Variants in GPRASP3 observed in about 807,000 individuals in gnomAD.
GPRASP3 encodes G protein-coupled receptor associated sorting protein family member 3, also known as G protein-coupled receptor associated sorting protein 3.
the GPRASP3 span, among the ~76,000 whole-genome samples, chrX:102,725,891 A>T: frequency 9.0e-6 from 1 of 110,705 alleles, no homozygotes; most frequent in Non-Finnish European, 1.9e-5. Flanking sequence ...TTATTTTTTT[A>T]TTTTTATTTT....
chrX:102,738,680 C>A, the GPRASP3 span, among the ~76,000 whole-genome samples: 8 of 111,879 alleles, frequency 7.2e-5, no homozygotes, highest in Non-Finnish European at 1.3e-4. Context: ...CTGTGTAACC[C>A]CCTAGTGTTT....
chrX:102,738,706 G>A, the GPRASP3 span, among the ~76,000 whole-genome samples: 1 of 111,828 alleles, frequency 8.9e-6, no homozygotes, highest in Non-Finnish European at 1.9e-5. Flanking sequence ...CTGTTCCAAT[G>A]GTAATCTGTC....
the GPRASP3 span, among the ~76,000 whole-genome samples, chrX:102,740,309 CGATT>C: frequency 9.0e-6 from 1 of 111,045 alleles, no homozygotes; most frequent in Non-Finnish European, 1.9e-5. Flanking sequence ...AGAGAGAGAT[CGATT>C]GATTGATTGA....
chrX:102,745,771 G>T, the GPRASP3 span, among the ~76,000 whole-genome samples: 3 of 110,815 alleles, frequency 2.7e-5, no homozygotes, highest in African/African-American at 9.9e-5. Flanking sequence ...CCGCCCGCCC[G>T]TCCCTATATT....
At chrX:102,747,096 C>A in the GPRASP3 span, among the ~76,000 whole-genome samples, 14 of 112,094 alleles carry the variant, frequency 1.2e-4, no homozygotes, top group African/African-American at 4.5e-4. Flanking sequence ...AACCAAAACT[C>A]CATCTCCAGC....
the GPRASP3 span, among the ~76,000 whole-genome samples, chrX:102,735,419 T>C: frequency 8.4e-5 from 9 of 106,784 alleles, no homozygotes; most frequent in African/African-American, 3.1e-4. Context: ...TTTTTTTTTT[T>C]TTTGAGACGA....
chrX:102,742,327 C>T, the GPRASP3 span, among the ~76,000 whole-genome samples: 55 of 100,102 alleles, frequency 5.5e-4, no homozygotes, highest in Non-Finnish European at 1.2e-4. Context: ...CAGTCGGGGG[C>T]GGGGTCGGGG....
At chrX:102,733,191 C>G in the GPRASP3 span, among the ~76,000 whole-genome samples, 2 of 112,407 alleles carry the variant, frequency 1.8e-5, no homozygotes, top group East Asian at 2.8e-4. Flanking sequence ...TGCAGTGGCT[C>G]ACGCCTGTAA....
chrX:102,749,103 T>C, the GPRASP3 span: 2 of 1,212,002 alleles, frequency 1.7e-6, no homozygotes, highest in South Asian at 3.5e-5. Context: ...TTGTTAGGCC[T>C]GTAGCCAAGA....
the GPRASP3 span, among the ~76,000 whole-genome samples, chrX:102,725,527 C>CT: frequency 0.025 from 2,447 of 96,413 alleles, 78 homozygotes; most frequent in African/African-American, 0.078. Flanking sequence ...CCACTTGTTT[C>CT]TTTTTTTTTT....
At chrX:102,737,384 T>G in the GPRASP3 span, among the ~76,000 whole-genome samples, 9 of 112,366 alleles carry the variant, frequency 8.0e-5, no homozygotes, top group African/African-American at 2.3e-4. Context: ...ATGACGTATG[T>G]TCAAAGAGGT....
chrX:102,750,150 T>A, the GPRASP3 span: 1 of 1,210,518 alleles, frequency 8.3e-7, no homozygotes, highest in Non-Finnish European at 1.1e-6. Flanking sequence ...GAAAAAAGAC[T>A]GTAATTACTC....
the GPRASP3 span, among the ~76,000 whole-genome samples, chrX:102,735,734 C>T: frequency 8.9e-6 from 1 of 112,464 alleles, no homozygotes; most frequent in Non-Finnish European, 1.9e-5. Flanking sequence ...ATATTTTTCA[C>T]AAACTTTCCA....
At chrX:102,728,805 T>C in the GPRASP3 span, among the ~76,000 whole-genome samples, 1 of 110,544 alleles carries the variant, frequency 9.0e-6, no homozygotes. Context: ...AGTTCCAACA[T>C]GTAAGAACTT....
the GPRASP3 span, among the ~76,000 whole-genome samples, chrX:102,742,716 T>A: frequency 9.0e-6 from 1 of 111,496 alleles, no homozygotes; most frequent in South Asian, 3.8e-4. Flanking sequence ...CATAGGAGAT[T>A]CGTGAAGGTC....
At chrX:102,735,704 G>A in the GPRASP3 span, among the ~76,000 whole-genome samples, 12 of 112,185 alleles carry the variant, frequency 1.1e-4, no homozygotes, top group Middle Eastern at 4.7e-3. Flanking sequence ...CACCGCGCCC[G>A]GCTGAATCTC....
At chrX:102,721,927 C>T in the GPRASP3 span, among the ~76,000 whole-genome samples, 1 of 111,759 alleles carries the variant, frequency 8.9e-6, no homozygotes, top group South Asian at 3.8e-4. Flanking sequence ...CCCCCTACCC[C>T]ATGCACCCAC....
the GPRASP3 span, among the ~76,000 whole-genome samples, chrX:102,729,608 G>A: frequency 1.8e-5 from 2 of 112,302 alleles, no homozygotes; most frequent in East Asian, 2.8e-4. Flanking sequence ...AGTGGCTCAC[G>A]CCTGTAATCC....
the GPRASP3 span, among the ~76,000 whole-genome samples, chrX:102,734,317 A>T: frequency 8.9e-6 from 1 of 112,170 alleles, no homozygotes; most frequent in Non-Finnish European, 1.9e-5. Flanking sequence ...ACACCATTTA[A>T]AGAGGATCAA....
Sources: allele counts gnomAD v4.1 joint callset (sites outside exome capture counted in the v4.1 genomes callset), GRCh38; gene constraint gnomAD v4.1.1; transcripts MANE v1.5; gene names NCBI Gene and HGNC (gene_info 2026-07-23, HGNC 2026-07-21).